STK32B: variants seen among roughly 807,000 people sequenced by gnomAD.
STK32B encodes serine/threonine-protein kinase 32B.
A neutral mutation model predicts 52.6 loss-of-function variants in STK32B; 43 were observed. The observed-to-expected ratio is 0.82, with a 90% confidence interval of 0.64 to 1.05. The LOEUF (loss-of-function observed/expected upper bound fraction) is 1.05. Ranked by LOEUF, STK32B falls within the 50% of genes least tolerant of loss-of-function variation. The pLI, the probability that STK32B is intolerant of heterozygous loss-of-function variation, is 0.00. For synonymous variants in STK32B, 238 were observed against 204.3 expected (o/e 1.17, Z -1.41); for missense variants, 621 against 534.6 (o/e 1.16, Z -1.59).
intron 3 of STK32B, among the ~76,000 whole-genome samples, chr4:5,172,182 T>A (rs1388030991): frequency 6.6e-6 from 1 of 152,198 alleles, no homozygotes; most frequent in Non-Finnish European, 1.5e-5. Flanking sequence ...TTGCTGAAGT[T>A]GCTTATTAGG....
At chr4:5,374,520 A>G (rs576956042) in intron 4 of STK32B, among the ~76,000 whole-genome samples, 2 of 152,302 alleles carry the variant, frequency 1.3e-5, no homozygotes, top group South Asian at 4.1e-4. Context: ...AACAACAGAA[A>G]TCTATTTCTC....
intron 4 of STK32B, among the ~76,000 whole-genome samples, chr4:5,382,868 G>C (rs1390467227): frequency 6.6e-6 from 1 of 152,176 alleles, no homozygotes; most frequent in Non-Finnish European, 1.5e-5. Context: ...CTGAGGCTCA[G>C]AGAGGTCAGG....
intron 1 of STK32B, among the ~76,000 whole-genome samples, chr4:5,069,119 G>A (rs1414733356): frequency 6.6e-6 from 1 of 152,122 alleles, no homozygotes; most frequent in Non-Finnish European, 1.5e-5. Context: ...CAGGGTTGGA[G>A]CTGTGGAGAG....
chr4:5,460,764 G>T lies in STK32B; in HGVS notation c.909+536G>T, dbSNP rs1392578889. Among the ~76,000 whole-genome samples the T allele has an allele frequency of 6.6e-6, 1 of 152,218 alleles. No individual in the cohort carries two copies. The highest frequency in any genetic ancestry group is 2.4e-5 in the African/African-American group (1 of 41,444). On this transcript the variant is annotated intron_variant, in intron 9 of 11. Coordinates refer to ENST00000282908, the MANE Select transcript of STK32B (RefSeq NM_018401.3). This position sits in a 1 kb window ranked among gnomAD's most constrained non-coding sequence, Gnocchi z 4.8. ...GGATCGACAAGATCACACTCTTGAA[G>T]GCAGCAGAAAGCCTGGGTTTCAAAG...
chr4:5,419,617 G>A (rs533922109), intron 6 of STK32B, among the ~76,000 whole-genome samples: 126 of 152,320 alleles, frequency 8.3e-4, no homozygotes, highest in African/African-American at 2.7e-3. Flanking sequence ...ATAGAATGCT[G>A]CTTTGTTGCT....
intron 2 of STK32B, among the ~76,000 whole-genome samples, chr4:5,151,834 AC>A (rs2108846289): frequency 6.6e-6 from 1 of 152,274 alleles, no homozygotes; most frequent in East Asian, 1.9e-4. Context: ...TGGAGGGGCT[AC>A]TGTTTTTGAC....
intron 2 of STK32B, among the ~76,000 whole-genome samples, chr4:5,161,163 A>G (rs1176341896): frequency 6.6e-6 from 1 of 152,128 alleles, no homozygotes. Context: ...CGCACCTAAT[A>G]CATGTTTATT....
rs552731688 is a variant in STK32B, at chr4:5,168,512, G to A, written c.260+62G>A. ...CCTGTGGGGAGCCAAATGCAAATTC[G>A]CCTCTGCTAGAGGGACTCTTCCGCA... On this transcript the variant is annotated intron_variant, in intron 3 of 11. Transcript: ENST00000282908. 2.5e-5 allele frequency: 39 copies of A among 1,533,226 alleles called. No homozygotes were observed. In the South Asian group the frequency reaches 3.4e-4, roughly 13 times the overall value. The allele number at this position is 1,533,226 out of a possible 1,614,324, so 95.0% of individuals were successfully genotyped here.
At chr4:5,188,297 G>T (rs1331160490) in intron 3 of STK32B, among the ~76,000 whole-genome samples, 1 of 152,178 alleles carries the variant, frequency 6.6e-6, no homozygotes, top group Non-Finnish European at 1.5e-5. Flanking sequence ...CGCAGAAATA[G>T]CATTCGCATG....
chr4:5,168,093 GT>G (rs1719029224), intron 2 of STK32B, among the ~76,000 whole-genome samples: 1 of 152,140 alleles, frequency 6.6e-6, no homozygotes, highest in East Asian at 1.9e-4. Flanking sequence ...TCATGTCAAT[GT>G]TTAATAAATG....
chr4:5,192,779 T>C (rs550791949), intron 3 of STK32B, among the ~76,000 whole-genome samples: 1 of 152,084 alleles, frequency 6.6e-6, no homozygotes, highest in East Asian at 1.9e-4. Flanking sequence ...CACAAGTCGT[T>C]CTTACCAGCT....
upstream of STK32B, among the ~76,000 whole-genome samples, chr4:5,051,084 A>G (rs1333304565): frequency 6.6e-6 from 1 of 152,192 alleles, no homozygotes; most frequent in African/African-American, 2.4e-5. Context: ...TTGGAGAGCC[A>G]GCAGACACTC....
At chr4:5,154,786 T>C (rs969416781) in intron 2 of STK32B, among the ~76,000 whole-genome samples, 15 of 152,172 alleles carry the variant, frequency 9.9e-5, no homozygotes, top group Non-Finnish European at 2.1e-4. Flanking sequence ...CTTAGCTTGG[T>C]GCCCAACATG....
chr4:5,465,795 T>C (rs1319204103), intron 9 of STK32B, among the ~76,000 whole-genome samples: 9 of 151,588 alleles, frequency 5.9e-5, no homozygotes, highest in African/African-American at 2.2e-4. Context: ...CCTCTCTCCT[T>C]CTTGGCCAGG....
At chr4:5,060,501 T>A (rs1246946786) in intron 1 of STK32B, among the ~76,000 whole-genome samples, 1 of 152,164 alleles carries the variant, frequency 6.6e-6, no homozygotes. Context: ...GATTCACTGA[T>A]TTTTTAAAAA....
chr4:5,185,266 T>C (rs1190065777), intron 3 of STK32B, among the ~76,000 whole-genome samples: 2 of 152,208 alleles, frequency 1.3e-5, no homozygotes, highest in Non-Finnish European at 2.9e-5. Context: ...GTCTATTGCC[T>C]AAACAACCGA....
In STK32B at chr4:5,453,273, G is replaced by C. The variant is rs1467663394; in HGVS notation, c.667-3534G>C. On this transcript the variant is annotated intron_variant, in intron 7 of 11. Transcript: ENST00000282908. This position sits in a 1 kb window ranked among gnomAD's most constrained non-coding sequence, Gnocchi z 4.0. Reference sequence around the variant, plus strand: ...GCTCATGTGGAGGTCCAGTGGAATAGCAGAATTGATGAGCACCTTGAATGA... The same window carrying C: ...GCTCATGTGGAGGTCCAGTGGAATACCAGAATTGATGAGCACCTTGAATGA... 2.0e-5 allele frequency among the ~76,000 whole-genome samples: 3 copies of C among 152,070 alleles called. No homozygotes were observed. Among genetic ancestry groups the C allele is most frequent in the Admixed American group, 2.0e-4 (3 of 15,270 alleles).
chr4:5,330,346 C>G (rs1374123997), intron 3 of STK32B, among the ~76,000 whole-genome samples: 1 of 152,192 alleles, frequency 6.6e-6, no homozygotes, highest in Non-Finnish European at 1.5e-5. Flanking sequence ...ACAACAATCT[C>G]AGATTCTATG....
At position 5,279,547 on chromosome 4, in the gene STK32B, AG is replaced by A. The variant is rs1728057401; in HGVS notation, c.261-51672del. 5.3e-5 allele frequency among the ~76,000 whole-genome samples: 8 copies of A among 152,284 alleles called. No individual in the cohort carries two copies. In the South Asian group the frequency reaches 1.7e-3, roughly 32 times the overall value. On this transcript the variant is annotated intron_variant, in intron 3 of 11. Coordinates refer to ENST00000282908, the MANE Select transcript of STK32B (RefSeq NM_018401.3). ...TTCCAGGTACACAGTGCAAGCTGTCAGTGATCAACCATTCTGGGGTCTGGAG... is the reference window on the plus strand; with the variant it reads ...TTCCAGGTACACAGTGCAAGCTGTCATGATCAACCATTCTGGGGTCTGGAG...
Sources: gnomAD v4.1 joint callset for allele counts (sites outside exome capture counted in the v4.1 genomes callset) on GRCh38, gnomAD v4.1.1 for gene constraint, Gnocchi (gnomAD v3.1) non-coding constraint, MANE v1.5 for transcripts, NCBI Gene and HGNC (gene_info 2026-07-23, HGNC 2026-07-21) for gene names.